Variants in HYCC1 observed in about 807,000 individuals in gnomAD.
HYCC1 encodes hyccin PI4KA lipid kinase complex subunit 1, also known as hyccin.
chr7:22,989,716 G>C, the HYCC1 span, among the ~76,000 whole-genome samples: 1 of 152,132 alleles, frequency 6.6e-6, no homozygotes, highest in African/African-American at 2.4e-5. Flanking sequence ...ACTTCATGAT[G>C]ACTTGGGGAA....
chr7:22,905,877 T>C, the HYCC1 span, among the ~76,000 whole-genome samples: 3 of 152,216 alleles, frequency 2.0e-5, no homozygotes, highest in African/African-American at 7.2e-5. Context: ...GAAAAATAAA[T>C]TTATGAAGAC....
chr7:22,931,518 G>A, the HYCC1 span, among the ~76,000 whole-genome samples: 1 of 152,260 alleles, frequency 6.6e-6, no homozygotes, highest in African/African-American at 2.4e-5. Flanking sequence ...TGGTTAATGG[G>A]TAGAGGCTGA....
chr7:22,947,305 T>G, the HYCC1 span: 1 of 1,434,734 alleles, frequency 7.0e-7, no homozygotes, highest in African/African-American at 1.4e-5. Context: ...AAACGTGAAA[T>G]GAGAAAAGCA....
At chr7:22,920,269 T>C in the HYCC1 span, among the ~76,000 whole-genome samples, 1 of 151,934 alleles carries the variant, frequency 6.6e-6, no homozygotes, top group African/African-American at 2.4e-5. Flanking sequence ...ATCTCTTCAA[T>C]GCTGCAGTGA....
the HYCC1 span, among the ~76,000 whole-genome samples, chr7:22,993,000 T>C: frequency 1.3e-5 from 2 of 152,012 alleles, no homozygotes; most frequent in South Asian, 2.1e-4. Context: ...CCAAAAACTA[T>C]AGTAATTAAG....
At chr7:22,977,465 C>A in the HYCC1 span, 1 of 1,135,756 alleles carries the variant, frequency 8.8e-7, no homozygotes, top group East Asian at 2.4e-5. Context: ...TACTTTCTTA[C>A]ACACAAATTT....
chr7:22,906,899 C>T, the HYCC1 span, among the ~76,000 whole-genome samples: 4 of 151,518 alleles, frequency 2.6e-5, no homozygotes, highest in African/African-American at 9.7e-5. Context: ...ATTAAAAGCC[C>T]AAGATTGGAA....
chr7:22,961,610 C>G, the HYCC1 span, among the ~76,000 whole-genome samples: 10 of 152,274 alleles, frequency 6.6e-5, no homozygotes, highest in South Asian at 2.1e-3. Flanking sequence ...GCATTTTATA[C>G]TTTCAAAGCA....
At chr7:22,933,639 CTCTT>C in the HYCC1 span, among the ~76,000 whole-genome samples, 11 of 152,212 alleles carry the variant, frequency 7.2e-5, no homozygotes, top group South Asian at 4.2e-4. Flanking sequence ...GTCTGACAAT[CTCTT>C]TCTTTTGATT....
At chr7:22,906,447 G>A in the HYCC1 span, among the ~76,000 whole-genome samples, 4 of 151,972 alleles carry the variant, frequency 2.6e-5, no homozygotes, top group South Asian at 2.1e-4. Flanking sequence ...GCATGGTAGC[G>A]TGTGTGTGTA....
the HYCC1 span, among the ~76,000 whole-genome samples, chr7:22,962,741 C>A: frequency 2.0e-4 from 31 of 151,308 alleles, no homozygotes; most frequent in East Asian, 6.1e-3. Flanking sequence ...AACACTACCT[C>A]CCCCCATTTC....
chr7:22,971,677 C>CAAAAAAAA, the HYCC1 span, among the ~76,000 whole-genome samples: 1 of 91,924 alleles, frequency 1.1e-5, no homozygotes, highest in Non-Finnish European at 2.2e-5. Context: ...CCCCATCTCA[C>CAAAAAAAA]AAAAAAAAAA....
the HYCC1 span, among the ~76,000 whole-genome samples, chr7:22,916,378 A>G: frequency 8.6e-5 from 13 of 151,706 alleles, no homozygotes; most frequent in Middle Eastern, 6.8e-3. Context: ...TAAATCCTAA[A>G]TCCTCTCCAC....
chr7:22,985,380 T>A, the HYCC1 span, among the ~76,000 whole-genome samples: 2 of 152,158 alleles, frequency 1.3e-5, no homozygotes, highest in African/African-American at 4.8e-5. Context: ...CCACAGGCCC[T>A]CATACGCAAA....
At chr7:22,991,039 A>G in the HYCC1 span, 1 of 1,504,298 alleles carries the variant, frequency 6.6e-7, no homozygotes, top group Non-Finnish European at 9.3e-7. Context: ...TATAATTACT[A>G]TAGTAGAACA....
chr7:22,971,547 T>C, the HYCC1 span, among the ~76,000 whole-genome samples: 1 of 151,198 alleles, frequency 6.6e-6, no homozygotes, highest in Non-Finnish European at 1.5e-5. Context: ...ATGGTGGCAT[T>C]TGCCTGTAGT....
chr7:22,900,097 A>C, the HYCC1 span, among the ~76,000 whole-genome samples: 1 of 152,228 alleles, frequency 6.6e-6, no homozygotes, highest in Admixed American at 6.5e-5. Flanking sequence ...CTAAATAAAC[A>C]ACAAAATGGG....
the HYCC1 span, among the ~76,000 whole-genome samples, chr7:22,992,018 T>C: frequency 6.6e-6 from 1 of 152,054 alleles, no homozygotes; most frequent in African/African-American, 2.4e-5. Flanking sequence ...ATCTGCAAAA[T>C]AGGGATAATG....
the HYCC1 span, among the ~76,000 whole-genome samples, chr7:22,993,091 G>A: frequency 4.6e-5 from 7 of 152,104 alleles, no homozygotes; most frequent in South Asian, 1.2e-3. Context: ...ACACATATAT[G>A]GTCACCTGAT....
Sources: allele counts gnomAD v4.1 joint callset (sites outside exome capture counted in the v4.1 genomes callset), GRCh38; gene constraint gnomAD v4.1.1; transcripts MANE v1.5; gene names NCBI Gene and HGNC (gene_info 2026-07-23, HGNC 2026-07-21).